NUP107: variants seen among roughly 807,000 people sequenced by gnomAD.
NUP107 encodes the protein nucleoporin 107.
Under a neutral mutation model 141.0 loss-of-function variants are expected in NUP107, and 101 were observed. The ratio of observed to expected loss-of-function variants is 0.72; its 90% CI spans 0.61 to 0.84. The LOEUF (loss-of-function observed/expected upper bound fraction) is 0.84. NUP107 is among the 40% of genes least tolerant of loss of function. NUP107 has a pLI of 0.00. For missense variants in NUP107, 941 were observed against 1,102.7 expected (o/e 0.85, Z 2.08); for synonymous variants, 319 against 363.9 (o/e 0.88, Z 1.41).
chr12:68,744,499 T>C lies in NUP107; in HGVS notation c.*2037T>C. Reference sequence around the variant, plus strand: ...CCTGGGTTCAAGCGATTCTCCTGCCTCAGCCTCCCTAGTAGCTGGGATTAC... The same window carrying C: ...CCTGGGTTCAAGCGATTCTCCTGCCCCAGCCTCCCTAGTAGCTGGGATTAC... On this transcript the variant is annotated 3_prime_UTR_variant, in exon 28 of 28. Transcript: ENST00000229179. 6.6e-6 allele frequency: 1 copy of C among 152,480 alleles called. No homozygotes were observed. Among genetic ancestry groups the C allele is most frequent in the Non-Finnish European group, 1.5e-5 (1 of 68,140 alleles). 9.4% of individuals were successfully genotyped at this position (152,480 alleles called of 1,614,324 possible). A position where few individuals can be genotyped will look rare whatever the true frequency, so the allele number is the denominator to read the frequency against.
chr12:68,710,634 G>A (rs1421418237), intron 10 of NUP107, among the ~76,000 whole-genome samples: 3 of 129,176 alleles, frequency 2.3e-5, no homozygotes, highest in East Asian at 2.3e-4. Flanking sequence ...CAGCCTGGGC[G>A]ACAGAGCAGG....
At chr12:68,729,574 G>C (rs1877725448) in intron 20 of NUP107, among the ~76,000 whole-genome samples, 1 of 151,684 alleles carries the variant, frequency 6.6e-6, no homozygotes, top group Non-Finnish European at 1.5e-5. Flanking sequence ...CTCCCAAGTA[G>C]CTGGTATTAC....
chr12:68,711,521 G>A lies in NUP107; in HGVS notation c.890+1428G>A, dbSNP rs1876857206. ...ACTGCACTCCAGCCTGGGTGACAGA[G>A]CGAGACTCCACCTCAAAAAAAAAAA... On this transcript the variant is annotated intron_variant, in intron 10 of 27. Coordinates refer to ENST00000229179, the MANE Select transcript of NUP107 (RefSeq NM_020401.4). Among the ~76,000 whole-genome samples the A allele has an allele frequency of 2.0e-5, 3 of 148,650 alleles. No homozygotes were observed. The Admixed American group carries it at 2.0e-4, about 10-fold the overall frequency.
chr12:68,705,353 G>C (rs1343457880), intron 8 of NUP107, among the ~76,000 whole-genome samples: 3 of 151,648 alleles, frequency 2.0e-5, no homozygotes, highest in Non-Finnish European at 4.4e-5. Flanking sequence ...TCTTTTCCTG[G>C]TTTTATTATG....
Position 68,687,073 on chromosome 12 carries a change from G to C in NUP107, c.8G>C (p.Arg3Thr), listed in dbSNP as rs1191811533. MD[R>T]SGFGEISSPV... is the part of the protein sequence containing the mutation. ...GTGGAAAAGGCTTTAGCCATGGACA[G>C]GTCAGTACTGATGGTGGCAGCTGAG... The change falls in exon 1 of 28, where the codon AGG (arginine) becomes ACG (threonine). Residue 3 changes from arginine to threonine, a missense_variant and splice_region_variant. Arg to Thr is a moderately conservative substitution (Grantham distance 71). Coordinates refer to ENST00000229179, the MANE Select transcript of NUP107 (RefSeq NM_020401.4). The C allele has an allele frequency of 6.2e-7, 1 of 1,614,194 alleles. No homozygotes were observed. The highest frequency in any genetic ancestry group is 2.2e-5 in the East Asian group (1 of 44,882).
chr12:68,700,621 A>G (rs1294915780), intron 6 of NUP107, 105 bp from the exon 7 acceptor site: 2 of 675,440 alleles, frequency 3.0e-6, no homozygotes, highest in Non-Finnish European at 4.5e-6. Context: ...TTTATAATAT[A>G]TACTTATTAA....
At chr12:68,728,019 A>AT (rs1877637717) in intron 20 of NUP107, among the ~76,000 whole-genome samples, 1 of 152,180 alleles carries the variant, frequency 6.6e-6, no homozygotes, top group Non-Finnish European at 1.5e-5. Context: ...GAGGTGGCTC[A>AT]TACCGGTAAT....
At chr12:68,730,214 C>CT (rs756700880) in intron 20 of NUP107, among the ~76,000 whole-genome samples, 2,091 of 85,290 alleles carry the variant, frequency 0.025, 168 homozygotes, top group African/African-American at 0.08. Context: ...GTGATACTAC[C>CT]TTTTTTTTTT....
intron 2 of NUP107, 66 bp downstream of exon 2, chr12:68,689,119 T>G: frequency 7.5e-7 from 1 of 1,339,450 alleles, no homozygotes; most frequent in Non-Finnish European, 1.0e-6. Flanking sequence ...GTTGTAGAAT[T>G]TTCTTTTTAT....
chr12:68,732,414 G>A (rs750435175), intron 22 of NUP107, among the ~76,000 whole-genome samples: 7 of 152,166 alleles, frequency 4.6e-5, no homozygotes, highest in Admixed American at 1.3e-4. Context: ...GGGATTACGG[G>A]TGTGAGCCAG....
At chr12:68,708,947 G>A (rs1487554696) in intron 8 of NUP107, among the ~76,000 whole-genome samples, 3 of 151,942 alleles carry the variant, frequency 2.0e-5, no homozygotes, top group South Asian at 2.1e-4. Context: ...GTTTTATTTT[G>A]TGTTTATTTT....
Position 68,745,408 on chromosome 12 carries a change from T to G in NUP107, c.*2946T>G, listed in dbSNP as rs1334658807. On this transcript the variant is annotated 3_prime_UTR_variant, in exon 28 of 28. Transcript: ENST00000229179. The stretch of plus-strand genomic sequence containing the variant: ...TGTAATATCTACAATATATAATCTT[T>G]CTTTATCGACTTAAGGAGGAAGGAG... 2 of 152,228 alleles carry G rather than the reference T, an allele frequency of 1.3e-5. No homozygotes were observed. The highest frequency in any genetic ancestry group is 4.8e-5 in the African/African-American group (2 of 41,468). The allele number at this position is 152,228 out of a possible 1,614,324, so 9.4% of individuals were successfully genotyped here. A position where few individuals can be genotyped will look rare whatever the true frequency, so the allele number is the denominator to read the frequency against.
At chr12:68,696,140 C>T (rs961217073) in intron 5 of NUP107, among the ~76,000 whole-genome samples, 2 of 151,098 alleles carry the variant, frequency 1.3e-5, no homozygotes, top group African/African-American at 4.9e-5. Context: ...CCAAGGTGGG[C>T]GGATCATGAG....
intron 12 of NUP107, among the ~76,000 whole-genome samples, chr12:68,716,193 A>C (rs1414861962): frequency 1.6e-4 from 24 of 149,044 alleles, no homozygotes; most frequent in Non-Finnish European, 7.4e-5. Context: ...CACCTGGCCC[A>C]ATCTCCATTC....
chr12:68,721,983 C>G lies in NUP107; in HGVS notation c.1454C>G (p.Ala485Gly). ...GAACTCCCTAGAGAATATCTGGGAG[C>G]AAAGTGAGTTTGTTGGATTGTTTTG... ...TEELPREYLG[A>G]NWTLEKVFEE... The change falls in exon 16 of 28, where the codon GCA becomes GGA. Residue 485 changes from alanine to glycine, a missense_variant. Ala to Gly is a moderately conservative substitution (Grantham distance 60). Coordinates refer to ENST00000229179, the MANE Select transcript of NUP107 (RefSeq NM_020401.4). 1 of 1,613,252 alleles carries G rather than the reference C, an allele frequency of 6.2e-7. No individual in the cohort carries two copies. The highest frequency in any genetic ancestry group is 1.1e-5 in the South Asian group (1 of 90,884).
chr12:68,704,588 G>A (rs528923472), intron 8 of NUP107, among the ~76,000 whole-genome samples: 1 of 151,618 alleles, frequency 6.6e-6, no homozygotes, highest in Non-Finnish European at 1.5e-5. Context: ...CTAGTAGCTG[G>A]GATTACAGGC....
intron 4 of NUP107, among the ~76,000 whole-genome samples, chr12:68,691,333 G>C (rs1490852857): frequency 6.6e-6 from 1 of 152,158 alleles, no homozygotes; most frequent in African/African-American, 2.4e-5. Context: ...TCTGATCCCT[G>C]TTTTGAAGCA....
chr12:68,743,805 T>C lies in NUP107; in HGVS notation c.*1343T>C, dbSNP rs1027657609. On this transcript the variant is annotated 3_prime_UTR_variant, in exon 28 of 28. Coordinates refer to ENST00000229179, the MANE Select transcript of NUP107 (RefSeq NM_020401.4). ...GGATCATAGAATTTGATCAGTTCTA[T>C]ATTATGTGCTTTTTTTGTTTTATTT... The C allele has an allele frequency of 6.6e-6, 1 of 152,244 alleles. No individual in the cohort carries two copies. Among genetic ancestry groups the C allele is most frequent in the Non-Finnish European group, 1.5e-5 (1 of 68,046 alleles). The allele number at this position is 152,244 out of a possible 1,614,324, so 9.4% of individuals were successfully genotyped here.
At chr12:68,742,225 A>G (rs1878348355) in intron 27 of NUP107, 130 bp from the exon 28 acceptor site, 1 of 642,090 alleles carries the variant, frequency 1.6e-6, no homozygotes, top group South Asian at 2.4e-5. Flanking sequence ...CTAATTTACT[A>G]GGCTCTGGCT....
Sources: gnomAD v4.1 joint callset for allele counts (sites outside exome capture counted in the v4.1 genomes callset) on GRCh38, gnomAD v4.1.1 for gene constraint, MANE v1.5 for transcripts, NCBI Gene and HGNC (gene_info 2026-07-23, HGNC 2026-07-21) for gene names.